Variants in GLP1R observed in about 807,000 individuals in gnomAD.
GLP1R encodes the protein glucagon like peptide 1 receptor, also known as glucagon-like peptide 1 receptor.
A neutral mutation model predicts 68.4 loss-of-function variants in GLP1R; 32 were observed. That is an observed-to-expected ratio of 0.47 (90% CI 0.35 to 0.63). The LOEUF (loss-of-function observed/expected upper bound fraction) is 0.63. GLP1R is among the 20% of genes least tolerant of loss of function. GLP1R has a pLI of 0.00. For missense variants in GLP1R, 502 were observed against 594.9 expected (o/e 0.84, Z 1.62); for synonymous variants, 263 against 244.4 (o/e 1.08, Z -0.71).
At chr6:39,063,907 C>A (rs892243634) in intron 3 of GLP1R, among the ~76,000 whole-genome samples, 1 of 147,780 alleles carries the variant, frequency 6.8e-6, no homozygotes, top group Non-Finnish European at 1.5e-5. Context: ...TACACACACA[C>A]ACACACACAC....
At chr6:39,073,575 C>A (rs781476103) in intron 6 of GLP1R, 35 bp from the exon 7 acceptor site, 18 of 1,597,940 alleles carry the variant, frequency 1.1e-5, no homozygotes, top group Non-Finnish European at 1.5e-5. Context: ...GAGGGCAGAG[C>A]TGTTGTCCCC....
chr6:39,060,036 C>G (rs1168418946), intron 3 of GLP1R, among the ~76,000 whole-genome samples: 1 of 152,110 alleles, frequency 6.6e-6, no homozygotes, highest in Non-Finnish European at 1.5e-5. Context: ...TTTTTTGACA[C>G]TTGGAATCAC....
At chr6:39,077,887 C>G (rs928388965) in intron 7 of GLP1R, among the ~76,000 whole-genome samples, 1 of 152,172 alleles carries the variant, frequency 6.6e-6, no homozygotes, top group Admixed American at 6.5e-5. Context: ...ACATCCAGTG[C>G]CTTTAGGAGT....
chr6:39,065,559 T>C (rs1395525266), intron 3 of GLP1R, 152 bp from the exon 4 acceptor site: 16 of 587,548 alleles, frequency 2.7e-5, no homozygotes, highest in Non-Finnish European at 4.9e-5. Context: ...TGTGTTTGTG[T>C]GTAAAGAAGG....
intron 7 of GLP1R, among the ~76,000 whole-genome samples, chr6:39,075,768 T>C (rs1768802079): frequency 6.6e-6 from 1 of 152,188 alleles, no homozygotes; most frequent in South Asian, 2.1e-4. Context: ...GAATTAAAAT[T>C]AGGACTCTGA....
chr6:39,062,014 G>T (rs991454045), intron 3 of GLP1R, among the ~76,000 whole-genome samples: 5 of 152,190 alleles, frequency 3.3e-5, no homozygotes, highest in African/African-American at 1.2e-4. Flanking sequence ...TAAAATGGGG[G>T]CCCAGTAGTC....
chr6:39,056,391 C>T lies in GLP1R; in HGVS notation c.79-6C>T. On this transcript the variant is annotated splice_region_variant and splice_polypyrimidine_tract_variant and intron_variant, in intron 1 of 12. Coordinates refer to ENST00000373256, the MANE Select transcript of GLP1R (RefSeq NM_002062.5). ...CACAGGCCTCCCATATATGCCCTCC[C>T]CCCAGGGTGCCACTGTGTCCCTCTG... 1 of 1,537,382 alleles carries T rather than the reference C, an allele frequency of 6.5e-7. No individual in the cohort carries two copies. Among genetic ancestry groups the T allele is most frequent in the South Asian group, 1.1e-5 (1 of 89,386 alleles).
chr6:39,079,811 G>T lies in GLP1R; in HGVS notation c.1182+109G>T. On this transcript the variant is annotated intron_variant, in intron 11 of 12. Coordinates refer to ENST00000373256, the MANE Select transcript of GLP1R (RefSeq NM_002062.5). The surrounding 1 kb of genome is among the most constrained non-coding windows in gnomAD (Gnocchi z 4.5). ...AAGGTGGGAAGACTGGGACCTGGAG[G>T]GGTGATCCCTGCCCAAAGTCACCTA... is the stretch of plus-strand genomic sequence containing the variant. 1 of 1,022,238 alleles carries T rather than the reference G, an allele frequency of 9.8e-7. No homozygotes were observed. Among genetic ancestry groups the T allele is most frequent in the East Asian group, 2.5e-5 (1 of 39,744 alleles). The allele number at this position is 1,022,238 out of a possible 1,614,324, so 63.3% of individuals were successfully genotyped here. A position where few individuals can be genotyped will look rare whatever the true frequency, so the allele number is the denominator to read the frequency against.
chr6:39,057,320 G>T (rs1768237788), intron 2 of GLP1R, 152 bp from the exon 3 acceptor site: 1 of 620,088 alleles, frequency 1.6e-6, no homozygotes, highest in Middle Eastern at 2.6e-4. Flanking sequence ...CTTGGCTCTT[G>T]CTGGGTGGGG....
intron 5 of GLP1R, among the ~76,000 whole-genome samples, chr6:39,067,776 C>T (rs945095396): frequency 1.3e-5 from 2 of 152,218 alleles, no homozygotes; most frequent in African/African-American, 4.8e-5. Context: ...AGTCCAAAGT[C>T]TCATCTAAAT....
Position 39,078,337 on chromosome 6 carries a change from T to C in GLP1R, c.839T>C (p.Phe280Ser). 1 of 1,611,804 alleles carries C rather than the reference T, an allele frequency of 6.2e-7. No homozygotes were observed. The highest frequency in any genetic ancestry group is 1.3e-5 in the African/African-American group (1 of 74,976). ...TCTCTCTTAGGTGTTCCCCTGCTGTTTGTTGTCCCCTGGGGCATTGTCAAG... is the reference window on the plus strand; with the variant it reads ...TCTCTCTTAGGTGTTCCCCTGCTGTCTGTTGTCCCCTGGGGCATTGTCAAG... Reference protein sequence around the residue: ...VSIGWGVPLLFVVPWGIVKYL... With the variant: ...VSIGWGVPLLSVVPWGIVKYL... The change falls in exon 8 of 13, where the codon TTT becomes TCT. Residue 280 changes from phenylalanine (F) to serine (S), a missense_variant. Phe to Ser is a radical substitution (Grantham distance 155). Transcript: ENST00000373256.
At chr6:39,054,173 G>C (rs1269348121) in intron 1 of GLP1R, among the ~76,000 whole-genome samples, 1 of 152,046 alleles carries the variant, frequency 6.6e-6, no homozygotes, top group African/African-American at 2.4e-5. Flanking sequence ...GTCCTGTAAA[G>C]CATTGACCCC....
chr6:39,073,616 C>G lies in GLP1R; in HGVS notation c.670C>G (p.Leu224Val). The change falls in exon 7 of 13, where the codon CTG (leucine) becomes GTG (valine). Residue 224 changes from leucine to valine, a missense_variant. Coordinates refer to ENST00000373256, the MANE Select transcript of GLP1R (RefSeq NM_002062.5). ...WDGLLSYQDS[L>V]SCRLVFLLMQ... Reference sequence around the variant, plus strand: ...ACCCTTCCTCTACCCCCAGGACTCTCTGAGCTGCCGCCTGGTGTTTCTGCT... The same window carrying G: ...ACCCTTCCTCTACCCCCAGGACTCTGTGAGCTGCCGCCTGGTGTTTCTGCT... 6.2e-7 allele frequency: 1 copy of G among 1,613,880 alleles called. No individual in the cohort carries two copies. Among genetic ancestry groups the G allele is most frequent in the Non-Finnish European group, 8.5e-7 (1 of 1,179,882 alleles).
chr6:39,080,863 A>C (rs1246750319), intron 12 of GLP1R, 124 bp downstream of exon 12: 1 of 586,258 alleles, frequency 1.7e-6, no homozygotes, highest in Non-Finnish European at 3.0e-6. Flanking sequence ...TCACTGAGGC[A>C]CTAGGGTTGA....
At chr6:39,080,351 A>C (rs1240189049) in intron 11 of GLP1R, among the ~76,000 whole-genome samples, 1 of 152,172 alleles carries the variant, frequency 6.6e-6, no homozygotes, top group Non-Finnish European at 1.5e-5. Context: ...GAGTCATTGT[A>C]CTTCACTGGA....
chr6:39,066,204 C>G lies in GLP1R; in HGVS notation c.410C>G (p.Pro137Arg). The G allele has an allele frequency of 6.3e-7, 1 of 1,593,590 alleles. No homozygotes were observed. The highest frequency in any genetic ancestry group is 8.6e-7 in the Non-Finnish European group (1 of 1,161,430). Residue 137 changes from proline (P) to arginine (R), a missense_variant, in exon 5 of 13, where the codon CCG (proline) becomes CGG (arginine). By Grantham distance (103) the Pro-to-Arg change is moderately radical. Coordinates refer to ENST00000373256, the MANE Select transcript of GLP1R (RefSeq NM_002062.5). ...EESKRGERSS[P>R]EEQLLFLYII... Reference sequence around the variant, plus strand: ...GTCCCCCGTGTGCCACAGAGCTCCCCGGAGGAGCAGCTCCTGTTCCTCTAC... The same window carrying G: ...GTCCCCCGTGTGCCACAGAGCTCCCGGGAGGAGCAGCTCCTGTTCCTCTAC...
rs1276106670 is a variant in GLP1R at position 39,087,789 on chromosome 6, G to C, written c.*1716G>C. On this transcript the variant is annotated 3_prime_UTR_variant, in exon 13 of 13. Transcript: ENST00000373256. ...TATGTTAATAGGCAAGTTGAACCTC[G>C]GGCTAAAGAAAGGAATTGTGTGGAT... is the stretch of plus-strand genomic sequence containing the variant. 1 of 152,084 alleles carries C rather than the reference G, an allele frequency of 6.6e-6. No homozygotes were observed. Among genetic ancestry groups the C allele is most frequent in the African/African-American group, 2.4e-5 (1 of 41,398 alleles). The allele number at this position is 152,084 out of a possible 1,614,324, so 9.4% of individuals were successfully genotyped here.
intron 3 of GLP1R, among the ~76,000 whole-genome samples, chr6:39,060,631 T>C (rs1198421163): frequency 6.6e-6 from 1 of 152,154 alleles, no homozygotes; most frequent in Non-Finnish European, 1.5e-5. Context: ...ACACCCAGCC[T>C]CTCTCTCCCT....
In GLP1R at chr6:39,079,507, A is replaced by G; in HGVS notation, c.1044-57A>G. ...GGAAGTGGGGAGGGTAGAGAAAGGG[A>G]AGAAGAGTCCATGGGAGAGGTCCAG... On this transcript the variant is annotated intron_variant, in intron 10 of 12. Coordinates refer to ENST00000373256, the MANE Select transcript of GLP1R (RefSeq NM_002062.5). This position sits in a 1 kb window ranked among gnomAD's most constrained non-coding sequence, Gnocchi z 4.5. The G allele has an allele frequency of 6.7e-7, 1 of 1,501,200 alleles. No individual in the cohort carries two copies. The highest frequency in any genetic ancestry group is 9.0e-7 in the Non-Finnish European group (1 of 1,116,456). 93.0% of individuals were successfully genotyped at this position (1,501,200 alleles called of 1,614,324 possible).
Sources: allele counts gnomAD v4.1 joint callset (sites outside exome capture counted in the v4.1 genomes callset), GRCh38; gene constraint gnomAD v4.1.1; non-coding constraint Gnocchi (gnomAD v3.1); transcripts MANE v1.5; gene names NCBI Gene and HGNC (gene_info 2026-07-23, HGNC 2026-07-21).